Variants in BMP1 observed in about 807,000 individuals in gnomAD.
BMP1 encodes bone morphogenetic protein 1.
A neutral mutation model predicts 116.8 loss-of-function variants in BMP1; 63 were observed. That is an observed-to-expected ratio of 0.54 (90% CI 0.44 to 0.67). The LOEUF is 0.67. Ranked by LOEUF, BMP1 falls within the 30% of genes least tolerant of loss-of-function variation. The pLI, the probability that BMP1 is intolerant of heterozygous loss-of-function variation, is 0.00. For missense variants in BMP1, 1,183 were observed against 1,358.9 expected (o/e 0.87, Z 2.04); for synonymous variants, 536 against 533.4 (o/e 1.00, Z -0.07).
chr8:22,211,423 C>T (rs959321188), intron 19 of BMP1, among the ~76,000 whole-genome samples, 171 bp from the exon 20 acceptor site: 6 of 152,180 alleles, frequency 3.9e-5, no homozygotes, highest in African/African-American at 1.4e-4. Flanking sequence ...CGCCTCCTCC[C>T]CTCCCCAGGT....
At chr8:22,176,718 G>C in intron 4 of BMP1, 68 bp downstream of exon 4, 1 of 1,525,058 alleles carries the variant, frequency 6.6e-7, no homozygotes, top group Non-Finnish European at 9.1e-7. Context: ...CCTGGGCCCT[G>C]CCACTGCCCC....
intron 6 of BMP1, among the ~76,000 whole-genome samples, chr8:22,178,209 C>A (rs906142637): frequency 2.0e-5 from 3 of 152,256 alleles, no homozygotes; most frequent in Non-Finnish European, 4.4e-5. Context: ...TGAACCCAGC[C>A]ACTCTGCAAG....
Position 22,209,548 on chromosome 8 carries a change from C to T in BMP1, c.2679C>T (p.Val893=). The change falls in exon 19 of 20, where the codon GTC becomes GTT. Residue 893 remains valine (V), a synonymous_variant. Coordinates refer to ENST00000306385, the MANE Select transcript of BMP1 (RefSeq NM_006129.5). ...NYPGGVDCEW[V]IVAEEGYGVE... is the part of the protein sequence containing the mutation. ...CTGGGGGTGTGGACTGTGAGTGGGT[C>T]ATTGTGGCCGAGGAAGGCTACGGCG... 1.9e-6 allele frequency: 3 copies of T among 1,614,220 alleles called. No individual in the cohort carries two copies. The highest frequency in any genetic ancestry group is 1.3e-5 in the African/African-American group (1 of 75,060).
At chr8:22,209,128 C>A (rs932597457) in intron 18 of BMP1, among the ~76,000 whole-genome samples, 1 of 152,200 alleles carries the variant, frequency 6.6e-6, no homozygotes, top group African/African-American at 2.4e-5. Flanking sequence ...CACATTCTTC[C>A]ATGACAGCCA....
At chr8:22,190,263 T>C (rs904368207) in intron 8 of BMP1, among the ~76,000 whole-genome samples, 2 of 152,214 alleles carry the variant, frequency 1.3e-5, no homozygotes, top group African/African-American at 4.8e-5. Context: ...TACTCAATTA[T>C]ATCACAGAAT....
chr8:22,176,417 G>A, intron 3 of BMP1, 104 bp downstream of exon 3: 10 of 1,547,150 alleles, frequency 6.5e-6, no homozygotes, highest in Non-Finnish European at 8.8e-6. Flanking sequence ...CAGCCCGAGT[G>A]CCCACACATT....
At chr8:22,181,288 G>A (rs763298179) in intron 8 of BMP1, among the ~76,000 whole-genome samples, 4 of 152,190 alleles carry the variant, frequency 2.6e-5, no homozygotes, top group Admixed American at 6.5e-5. Flanking sequence ...TTGCTGCCAC[G>A]TGGGGCTGGC....
intron 1 of BMP1, 24 bp downstream of exon 1, chr8:22,165,577 C>T (rs1168008794): frequency 3.8e-6 from 6 of 1,564,186 alleles, no homozygotes; most frequent in Middle Eastern, 1.7e-4. Context: ...GGCCCCCCGG[C>T]GACGGGCCAG....
chr8:22,185,474 A>G (rs1828741495), intron 8 of BMP1, among the ~76,000 whole-genome samples: 1 of 151,954 alleles, frequency 6.6e-6, no homozygotes, highest in Non-Finnish European at 1.5e-5. Context: ...AAAAAATAAA[A>G]ATAAAAATAA....
chr8:22,177,757 G>A (rs779940021), intron 5 of BMP1, 95 bp from the exon 6 acceptor site: 5 of 962,104 alleles, frequency 5.2e-6, no homozygotes, highest in Non-Finnish European at 1.7e-6. Flanking sequence ...TCAGATACAG[G>A]AAGGACTCCA....
intron 15 of BMP1, chr8:22,201,274 G>C: frequency 6.5e-7 from 1 of 1,543,564 alleles, no homozygotes; most frequent in Non-Finnish European, 8.7e-7. Flanking sequence ...TGGGGGCTTC[G>C]GTGCCCACCA....
At chr8:22,206,731 A>C (rs1829363933) in intron 16 of BMP1, 123 bp from the exon 17 acceptor site, 1 of 1,397,312 alleles carries the variant, frequency 7.2e-7, no homozygotes, top group South Asian at 1.3e-5. Context: ...CCTGCCATCC[A>C]GTTCATAAGT....
At chr8:22,175,812 C>T (rs4515546) in intron 2 of BMP1, among the ~76,000 whole-genome samples, 13,701 of 152,132 alleles carry the variant, frequency 0.09, 824 homozygotes, top group African/African-American at 0.16. Flanking sequence ...CTCAACAAAG[C>T]GCACAAAAAC....
At chr8:22,210,937 C>T (rs1257468624) in intron 19 of BMP1, among the ~76,000 whole-genome samples, 1 of 152,252 alleles carries the variant, frequency 6.6e-6, no homozygotes, top group Non-Finnish European at 1.5e-5. Flanking sequence ...TCTTCTGTGC[C>T]TGGAAGGCCA....
chr8:22,170,574 G>T (rs1828248676), intron 1 of BMP1: 1 of 152,180 alleles, frequency 6.6e-6, no homozygotes, highest in African/African-American at 2.4e-5. Flanking sequence ...ATGTCCAAAG[G>T]TGAGTCTAAA....
At chr8:22,198,901 G>A in intron 15 of BMP1, 1 of 1,148,988 alleles carries the variant, frequency 8.7e-7, no homozygotes, top group Non-Finnish European at 1.1e-6. Context: ...TGCCCACCTG[G>A]GACTCCTAAG....
intron 18 of BMP1, 79 bp downstream of exon 18, chr8:22,207,595 A>G: frequency 2.7e-6 from 4 of 1,506,228 alleles, no homozygotes; most frequent in East Asian, 2.3e-5. Flanking sequence ...CAATGCGGGT[A>G]TGAAGGTACA....
At chr8:22,210,673 C>T (rs1586478198) in intron 19 of BMP1, among the ~76,000 whole-genome samples, 1 of 152,170 alleles carries the variant, frequency 6.6e-6, no homozygotes, top group Non-Finnish European at 1.5e-5. Context: ...GAGCTTCAGC[C>T]CTCGTGTGGC....
At chr8:22,177,241 A>G in intron 5 of BMP1, 102 bp downstream of exon 5, 3 of 1,264,854 alleles carry the variant, frequency 2.4e-6, no homozygotes, top group Non-Finnish European at 3.3e-6. Context: ...GCCAGCCGTC[A>G]TCGCCTGGGC....
Sources: gnomAD v4.1 joint callset for allele counts (sites outside exome capture counted in the v4.1 genomes callset) on GRCh38, gnomAD v4.1.1 for gene constraint, MANE v1.5 for transcripts, NCBI Gene and HGNC (gene_info 2026-07-23, HGNC 2026-07-21) for gene names.